TMEM192: variants seen among roughly 807,000 people sequenced by gnomAD.
TMEM192 encodes the protein transmembrane protein 192.
In TMEM192, 20 loss-of-function variants were observed where a neutral mutation model predicts 26.7. That is an observed-to-expected ratio of 0.75 (90% CI 0.53 to 1.09). The LOEUF is 1.09. Among genes scored for constraint, TMEM192 ranks in the 50% least tolerant of loss-of-function variants. The pLI, the probability that TMEM192 is intolerant of heterozygous loss-of-function variation, is 0.00. For missense variants in TMEM192, 304 were observed against 322.6 expected, an observed-to-expected ratio of 0.94 and a Z score of 0.44; for synonymous variants, 124 against 121.0, an observed-to-expected ratio of 1.02 and a Z score of -0.16.
chr4:165,099,329 G>C (rs537975473), intron 3 of TMEM192, among the ~76,000 whole-genome samples: 14 of 148,168 alleles, frequency 9.4e-5, no homozygotes, highest in Non-Finnish European at 1.6e-4. Flanking sequence ...CAAGGGATCT[G>C]CCCACCTCAG....
intron 3 of TMEM192, among the ~76,000 whole-genome samples, chr4:165,089,143 G>A (rs1014173938): frequency 2.7e-5 from 4 of 150,684 alleles, no homozygotes; most frequent in Admixed American, 6.6e-5. Context: ...ATGTAGAAAT[G>A]TGAGTGGACA....
At chr4:165,097,220 C>T (rs1312146316) in intron 3 of TMEM192, among the ~76,000 whole-genome samples, 3 of 152,060 alleles carry the variant, frequency 2.0e-5, no homozygotes, top group South Asian at 2.1e-4. Context: ...ACAGGCCGGG[C>T]GCGGTGGCTC....
chr4:165,087,801 T>C (rs182886758), intron 4 of TMEM192, among the ~76,000 whole-genome samples: 1 of 152,166 alleles, frequency 6.6e-6, no homozygotes, highest in African/African-American at 2.4e-5. Flanking sequence ...CCTAAAGTGC[T>C]AGGATTACAG....
At chr4:165,097,568 C>T (rs188321966) in intron 3 of TMEM192, among the ~76,000 whole-genome samples, 1 of 125,440 alleles carries the variant, frequency 8.0e-6, no homozygotes, top group African/African-American at 3.7e-5. Flanking sequence ...TTCTGTGGAG[C>T]CTTTTTTTTT....
At chr4:165,084,658 C>T (rs1168179927) in intron 5 of TMEM192, among the ~76,000 whole-genome samples, 1 of 151,510 alleles carries the variant, frequency 6.6e-6, no homozygotes, top group Non-Finnish European at 1.5e-5. Context: ...CCTGTAATCC[C>T]AGCACTTTGG....
chr4:165,093,519 A>T (rs1221558091), intron 3 of TMEM192, among the ~76,000 whole-genome samples: 5 of 152,334 alleles, frequency 3.3e-5, no homozygotes, highest in African/African-American at 1.2e-4. Flanking sequence ...GCAAGTTTGC[A>T]GTCTGGTGGG....
intron 1 of TMEM192, 122 bp from the exon 2 acceptor site, chr4:165,103,218 C>A (rs2110789791): frequency 2.7e-6 from 2 of 732,948 alleles, no homozygotes; most frequent in Non-Finnish European, 1.9e-6. Flanking sequence ...GAACACATTG[C>A]CTACCTGAAT....
intron 2 of TMEM192, 127 bp from the exon 3 acceptor site, chr4:165,101,019 C>G: frequency 9.5e-7 from 1 of 1,051,542 alleles, no homozygotes; most frequent in Non-Finnish European, 1.3e-6. Context: ...CTCTGTCGCC[C>G]AGGCTGGAGT....
At position 165,070,949 on chromosome 4, in the gene TMEM192, A is replaced by C. The variant is rs1201279517; in HGVS notation, c.*8709T>G. On this transcript the variant is annotated 3_prime_UTR_variant, in exon 6 of 6. Coordinates refer to ENST00000306480, the MANE Select transcript of TMEM192 (RefSeq NM_001100389.2). The stretch of plus-strand genomic sequence containing the variant: ...TTACATTCTATCAGGAGACACAGAC[A>C]AAGTAAACAAGTAAGTTACATGCAG... 1 of 152,228 alleles carries C rather than the reference A, an allele frequency of 6.6e-6. No homozygotes were observed. The highest frequency in any genetic ancestry group is 2.4e-5 in the African/African-American group (1 of 41,454). 9.4% of individuals were successfully genotyped at this position (152,228 alleles called of 1,614,324 possible).
intron 3 of TMEM192, among the ~76,000 whole-genome samples, chr4:165,094,087 G>C (rs965654300): frequency 1.3e-5 from 2 of 152,036 alleles, no homozygotes; most frequent in Non-Finnish European, 2.9e-5. Context: ...TTTTAGTAGA[G>C]AGGGGGTTTC....
In TMEM192 at chr4:165,092,112, C is replaced by CTTTTTTTTTTTTTT. The variant is rs35641833; in HGVS notation, c.440-3524_440-3511dup. On this transcript the variant is annotated intron_variant, in intron 3 of 5. Transcript: ENST00000306480. ...AATGCTGTTCTTTCTTAATGCTGTT[C>CTTTTTTTTTTTTTT]TTTTTTTTTTTTTTTTTTTTTTTTT... Among the ~76,000 whole-genome samples, 7 of 72,074 alleles carry CTTTTTTTTTTTTTT rather than the reference C, an allele frequency of 9.7e-5. 1 individual carries two copies. Among genetic ancestry groups the CTTTTTTTTTTTTTT allele is most frequent in the African/African-American group, 4.7e-4 (7 of 14,856 alleles). 47.3% of individuals were successfully genotyped at this position (72,074 alleles called of 152,430 possible).
intron 3 of TMEM192, among the ~76,000 whole-genome samples, chr4:165,094,764 C>T (rs976549047): frequency 6.6e-5 from 10 of 152,022 alleles, no homozygotes; most frequent in East Asian, 5.8e-4. Flanking sequence ...CAGTCGAGGT[C>T]GGGAGTTCAA....
intron 3 of TMEM192, among the ~76,000 whole-genome samples, chr4:165,093,142 G>T (rs1426860097): frequency 6.9e-6 from 1 of 144,398 alleles, no homozygotes; most frequent in Non-Finnish European, 1.5e-5. Flanking sequence ...TGTCACCAAG[G>T]CTGGAGCGCG....
intron 3 of TMEM192, among the ~76,000 whole-genome samples, chr4:165,098,791 A>G (rs1734973609): frequency 6.6e-6 from 1 of 151,250 alleles, no homozygotes; most frequent in African/African-American, 2.4e-5. Flanking sequence ...TCTGCCTCCC[A>G]GGTTCAAGCG....
chr4:165,104,920 CCT>C (rs1735130367), intron 1 of TMEM192, among the ~76,000 whole-genome samples: 1 of 152,118 alleles, frequency 6.6e-6, no homozygotes, highest in Admixed American at 6.6e-5. Flanking sequence ...CTTCAAGACC[CCT>C]CTGCCTCTAG....
At position 165,088,492 on chromosome 4, in the gene TMEM192, G is replaced by A; in HGVS notation, c.550C>T (p.Leu184=). ...AILALELICS[L]ICLLIYTVKI... ...CCTGTGTAAATGAGGAGACATATCAGGGAACAGATGAGTTCCAGTGCCAAG... is the reference window on the plus strand; with the variant it reads ...CCTGTGTAAATGAGGAGACATATCAAGGAACAGATGAGTTCCAGTGCCAAG... Residue 184 remains leucine (L), a synonymous_variant, in exon 4 of 6, where the codon CTG becomes TTG. Transcript: ENST00000306480. The A allele has an allele frequency of 6.2e-7, 1 of 1,613,530 alleles. No homozygotes were observed. The highest frequency in any genetic ancestry group is 8.5e-7 in the Non-Finnish European group (1 of 1,179,762).
chr4:165,071,483 G>A lies in TMEM192; in HGVS notation c.*8175C>T, dbSNP rs1424004706. The A allele has an allele frequency of 6.6e-6, 1 of 152,126 alleles. No individual in the cohort carries two copies. Among genetic ancestry groups the A allele is most frequent in the Non-Finnish European group, 1.5e-5 (1 of 68,116 alleles). The allele number at this position is 152,126 out of a possible 1,614,324, so 9.4% of individuals were successfully genotyped here. On this transcript the variant is annotated 3_prime_UTR_variant, in exon 6 of 6. Coordinates refer to ENST00000306480, the MANE Select transcript of TMEM192 (RefSeq NM_001100389.2). ...ATTTTTGTATTTTCAGTAGAGACAG[G>A]GTTTCATCGTGTTGGCCAGGCCGGT...
In TMEM192 at chr4:165,088,567, G is replaced by A. The variant is rs1470865205; in HGVS notation, c.475C>T (p.His159Tyr). The A allele has an allele frequency of 1.2e-6, 2 of 1,613,550 alleles. No individual in the cohort carries two copies. The highest frequency in any genetic ancestry group is 4.5e-5 in the East Asian group (2 of 44,886). Residue 159 changes from histidine (H) to tyrosine (Y), a missense_variant, in exon 4 of 6, where the codon CAC becomes TAC. His to Tyr is a moderately conservative substitution (Grantham distance 83). Transcript: ENST00000306480. ...TVLLLILCMQ[H>Y]SFPEPGRLYL... is the part of the protein sequence containing the mutation. Reference sequence around the variant, plus strand: ...AATCTGCCAGGCTCTGGGAAGGAGTGCTGCATGCACAGTATGAGGAGAAGC... The same window carrying A: ...AATCTGCCAGGCTCTGGGAAGGAGTACTGCATGCACAGTATGAGGAGAAGC...
At chr4:165,107,390 A>C (rs1207430110) in intron 1 of TMEM192, among the ~76,000 whole-genome samples, 1 of 151,092 alleles carries the variant, frequency 6.6e-6, no homozygotes, top group Non-Finnish European at 1.5e-5. Flanking sequence ...AGGCTGGAGA[A>C]CAGTGGCACG....
Sources: gnomAD v4.1 joint callset for allele counts (sites outside exome capture counted in the v4.1 genomes callset) on GRCh38, gnomAD v4.1.1 for gene constraint, MANE v1.5 for transcripts, NCBI Gene and HGNC (gene_info 2026-07-23, HGNC 2026-07-21) for gene names.